Variants in KCNIP4 observed in about 807,000 individuals in gnomAD.
KCNIP4 encodes the protein Kv channel-interacting protein 4.
A neutral mutation model predicts 34.0 loss-of-function variants in KCNIP4; 12 were observed. The observed-to-expected ratio is 0.35, with a 90% CI of 0.23 to 0.57. The LOEUF (loss-of-function observed/expected upper bound fraction) is 0.57. Ranked by LOEUF, KCNIP4 falls within the 20% of genes least tolerant of loss-of-function variation. The pLI is 0.83. For synonymous variants in KCNIP4, 124 were observed against 102.2 expected (o/e 1.21, Z -1.29); for missense variants, 238 against 311.7 (o/e 0.76, Z 1.78).
intron 1 of KCNIP4, among the ~76,000 whole-genome samples, chr4:21,700,343 T>C (rs910370316): frequency 1.6e-4 from 25 of 152,212 alleles, no homozygotes; most frequent in African/African-American, 5.8e-4. Flanking sequence ...ATCAGGGATG[T>C]TGAATGTTTT....
At chr4:20,735,530 GTTTTTTTTTTTT>G (rs10542507) in intron 5 of KCNIP4, among the ~76,000 whole-genome samples, 53 of 109,718 alleles carry the variant, frequency 4.8e-4, no homozygotes, top group African/African-American at 1.8e-3. Flanking sequence ...TTTTTTTTTT[GTTTTTTTTTTTT>G]TTTTTGAGAT....
At chr4:21,388,046 G>A (rs575682161) in intron 1 of KCNIP4, among the ~76,000 whole-genome samples, 45 of 151,916 alleles carry the variant, frequency 3.0e-4, no homozygotes, top group Non-Finnish European at 6.0e-4. Flanking sequence ...TGCAATAGTA[G>A]GGACAGCTAG....
chr4:20,779,581 C>G (rs868428886), intron 3 of KCNIP4, among the ~76,000 whole-genome samples: 2 of 132,812 alleles, frequency 1.5e-5, no homozygotes, highest in East Asian at 2.1e-4. Context: ...CCACAACCCC[C>G]CCCCCCCACA....
intron 1 of KCNIP4, among the ~76,000 whole-genome samples, chr4:21,009,247 G>A (rs191626791): frequency 1.4e-4 from 21 of 152,310 alleles, no homozygotes; most frequent in Admixed American, 9.8e-4. Flanking sequence ...TCTGGGAATA[G>A]CAAAAGGTTG....
intron 3 of KCNIP4, among the ~76,000 whole-genome samples, chr4:20,828,601 T>C (rs1260989050): frequency 6.6e-6 from 1 of 152,192 alleles, no homozygotes; most frequent in African/African-American, 2.4e-5. Context: ...TTTCATCCCA[T>C]CCTCTGCAAT....
chr4:21,727,193 CATG>C (rs1279080538), intron 1 of KCNIP4, among the ~76,000 whole-genome samples: 1 of 152,152 alleles, frequency 6.6e-6, no homozygotes, highest in Non-Finnish European at 1.5e-5. Context: ...ATGATTAAGT[CATG>C]AGGACTCTTC....
chr4:21,258,627 T>G (rs1761239589), intron 1 of KCNIP4, among the ~76,000 whole-genome samples: 1 of 152,146 alleles, frequency 6.6e-6, no homozygotes, highest in Non-Finnish European at 1.5e-5. Context: ...ACTTGTGCAT[T>G]TGAAAACAGA....
chr4:21,914,595 CAT>C (rs1428769191), intron 1 of KCNIP4, among the ~76,000 whole-genome samples: 1 of 152,160 alleles, frequency 6.6e-6, no homozygotes, highest in Non-Finnish European at 1.5e-5. Context: ...TTTCTGCTCA[CAT>C]GTCACCCACC....
At chr4:21,589,317 T>C (rs1483933741) in intron 1 of KCNIP4, among the ~76,000 whole-genome samples, 1 of 146,148 alleles carries the variant, frequency 6.8e-6, no homozygotes, top group Non-Finnish European at 1.5e-5. Context: ...TATATACATG[T>C]ACATATACAC....
chr4:20,758,722 G>T, intron 4 of KCNIP4, 99 bp downstream of exon 4: 1 of 884,718 alleles, frequency 1.1e-6, no homozygotes, highest in Non-Finnish European at 1.8e-6. Flanking sequence ...TTTACATAAC[G>T]ATTAAAAATG....
intron 1 of KCNIP4, among the ~76,000 whole-genome samples, chr4:20,942,596 G>A (rs912885690): frequency 7.2e-5 from 11 of 152,046 alleles, no homozygotes; most frequent in African/African-American, 2.7e-4. Flanking sequence ...ACTGAGGGAG[G>A]GTTAAATAAT....
At chr4:21,048,292 A>ATCTCCTTGCTG (rs1355012782) in intron 1 of KCNIP4, among the ~76,000 whole-genome samples, 24 of 152,174 alleles carry the variant, frequency 1.6e-4, no homozygotes, top group Non-Finnish European at 3.4e-4. Context: ...GATCTGGAAC[A>ATCTCCTTGCTG]TGTAAACTCT....
chr4:20,966,100 G>C (rs1481411632), intron 1 of KCNIP4, among the ~76,000 whole-genome samples: 1 of 152,128 alleles, frequency 6.6e-6, no homozygotes, highest in Non-Finnish European at 1.5e-5. Context: ...ATGCACCAGA[G>C]ATATTTAGGG....
intron 1 of KCNIP4, among the ~76,000 whole-genome samples, chr4:21,896,468 G>T (rs923265394): frequency 6.6e-6 from 1 of 152,068 alleles, no homozygotes; most frequent in Non-Finnish European, 1.5e-5. Context: ...CATATTCTAG[G>T]ATATGAGAGA....
intron 1 of KCNIP4, among the ~76,000 whole-genome samples, chr4:21,493,235 T>G (rs1329627788): frequency 1.3e-5 from 2 of 152,098 alleles, no homozygotes; most frequent in Non-Finnish European, 1.5e-5. Context: ...TCAATTCAAT[T>G]TACCCCACAG....
intron 2 of KCNIP4, among the ~76,000 whole-genome samples, chr4:20,871,152 A>G (rs1036375701): frequency 2.6e-5 from 4 of 152,148 alleles, no homozygotes; most frequent in East Asian, 3.9e-4. Flanking sequence ...TTGAGTGCCT[A>G]TTATGACCCA....
intron 1 of KCNIP4, among the ~76,000 whole-genome samples, chr4:21,574,683 C>T (rs943034557): frequency 6.6e-6 from 1 of 152,084 alleles, no homozygotes; most frequent in Non-Finnish European, 1.5e-5. Flanking sequence ...GCAGAGTGTA[C>T]ACTTGAAGAG....
intron 1 of KCNIP4, among the ~76,000 whole-genome samples, chr4:21,428,699 G>A (rs533072440): frequency 6.6e-6 from 1 of 152,214 alleles, no homozygotes; most frequent in Non-Finnish European, 1.5e-5. Context: ...TCCTGTGATG[G>A]AAATGGTAGG....
At chr4:21,538,315 T>C (rs59037170) in intron 1 of KCNIP4, among the ~76,000 whole-genome samples, 54,942 of 151,866 alleles carry the variant, frequency 0.36, 10,327 homozygotes, top group South Asian at 0.56. Flanking sequence ...TTTGTTATGG[T>C]CACCCTAGGA....
Sources: allele counts gnomAD v4.1 joint callset (sites outside exome capture counted in the v4.1 genomes callset), GRCh38; gene constraint gnomAD v4.1.1; transcripts MANE v1.5; gene names NCBI Gene and HGNC (gene_info 2026-07-23, HGNC 2026-07-21).